Variants in PLVAP observed in about 807,000 individuals in gnomAD.
PLVAP encodes the protein plasmalemma vesicle-associated protein.
PLVAP carries 34 observed loss-of-function variants against 43.1 expected under a neutral mutation model. That is an observed-to-expected ratio of 0.79 (90% CI 0.60 to 1.05). The LOEUF (loss-of-function observed/expected upper bound fraction) is 1.05, where lower values mean the gene tolerates loss of function less well. Ranked by LOEUF, PLVAP falls within the 50% of genes least tolerant of loss-of-function variation. The pLI is 0.00. For missense variants in PLVAP, 574 were observed against 593.4 expected (o/e 0.97, Z 0.34); for synonymous variants, 241 against 237.3 (o/e 1.02, Z -0.14).
At chr19:17,352,463 C>T (rs969101601) in intron 5 of PLVAP, 95 bp from the exon 6 acceptor site, 2 of 1,424,634 alleles carry the variant, frequency 1.4e-6, no homozygotes, top group Non-Finnish European at 2.0e-6. Context: ...AGCGGGGACA[C>T]AACATCCTGG....
rs776368180 is a variant in PLVAP, at chr19:17,365,894, G to A, written c.571C>T (p.Arg191Cys). The change falls in exon 3 of 6, where the codon CGC (arginine) becomes TGC (cysteine). Residue 191 changes from arginine (R) to cysteine (C), a missense_variant. Physicochemically the swap from Arg to Cys is radical, Grantham distance 180. Transcript: ENST00000252590. ...TCAACCAGCTGTTCCTCCGCCACGC[G>A]TTTGTTCAGCAGCACGCTTTCCTTA... ...KDKESVLLNKRVAEEQLVECV... is the reference protein window; with the variant it reads ...KDKESVLLNKCVAEEQLVECV... 14 of 1,613,920 alleles carry A rather than the reference G, an allele frequency of 8.7e-6. No homozygotes were observed. In the Admixed American group the frequency reaches 1.5e-4, roughly 17 times the overall value.
chr19:17,354,613 A>G (rs1297133169), intron 5 of PLVAP, among the ~76,000 whole-genome samples: 3 of 144,506 alleles, frequency 2.1e-5, no homozygotes, highest in East Asian at 4.2e-4. Flanking sequence ...AAAAAAAAAA[A>G]AAGGGCCGGG....
intron 3 of PLVAP, among the ~76,000 whole-genome samples, chr19:17,364,874 G>T (rs1190020527): frequency 2.1e-5 from 3 of 145,596 alleles, no homozygotes; most frequent in African/African-American, 7.6e-5. Context: ...CCGGGTTCAA[G>T]CGATTCTCCT....
At chr19:17,354,395 A>G (rs7258074) in intron 5 of PLVAP, among the ~76,000 whole-genome samples, 145,620 of 151,888 alleles carry the variant, frequency 0.96, 69,972 homozygotes, top group Middle Eastern at 0.99. Context: ...TCAGGAGTTT[A>G]AGACCAGCCT....
chr19:17,365,588 C>A lies in PLVAP; in HGVS notation c.877G>T (p.Asp293Tyr). The A allele has an allele frequency of 6.2e-7, 1 of 1,612,770 alleles. No individual in the cohort carries two copies. Among genetic ancestry groups the A allele is most frequent in the South Asian group, 1.1e-5 (1 of 91,086 alleles). Reference protein sequence around the residue: ...VEELARSLRADIERVARENSD... With the variant: ...VEELARSLRAYIERVARENSD... Reference sequence around the variant, plus strand: ...TTCTCGCGGGCCACGCGTTCGATATCCGCCCGGAGGCTCCGGGCCAGCTCC... The same window carrying A: ...TTCTCGCGGGCCACGCGTTCGATATACGCCCGGAGGCTCCGGGCCAGCTCC... Residue 293 changes from aspartate (D) to tyrosine (Y), a missense_variant, in exon 3 of 6, where the codon GAT becomes TAT. By Grantham distance (160) the Asp-to-Tyr change is radical. Coordinates refer to ENST00000252590, the MANE Select transcript of PLVAP (RefSeq NM_031310.3).
chr19:17,356,697 C>T (rs557989131), intron 5 of PLVAP, among the ~76,000 whole-genome samples: 53 of 151,530 alleles, frequency 3.5e-4, no homozygotes, highest in African/African-American at 1.2e-3. Flanking sequence ...TGATGGCTCA[C>T]GCCTGTAATC....
rs2074485137 is a variant in PLVAP at position 17,351,613 on chromosome 19, G to T, written c.*749C>A. On this transcript the variant is annotated 3_prime_UTR_variant, in exon 6 of 6. Transcript: ENST00000252590. The stretch of plus-strand genomic sequence containing the variant: ...GGTCCTGGAAACACTCACGCTCAAG[G>T]AGCGGAGGTGAATGGCTTCCTGTTC... The T allele has an allele frequency of 6.6e-6, 1 of 152,296 alleles. No individual in the cohort carries two copies. Among genetic ancestry groups the T allele is most frequent in the Admixed American group, 6.5e-5 (1 of 15,282 alleles). 9.4% of individuals were successfully genotyped at this position (152,296 alleles called of 1,614,324 possible).
chr19:17,376,786 A>T (rs938308254), intron 1 of PLVAP, 134 bp downstream of exon 1: 4 of 937,228 alleles, frequency 4.3e-6, no homozygotes, highest in Non-Finnish European at 3.1e-6. Context: ...AGACGGAGCG[A>T]GACTCTGTCT....
chr19:17,368,301 T>C (rs983097997), intron 1 of PLVAP, among the ~76,000 whole-genome samples: 1 of 150,816 alleles, frequency 6.6e-6, no homozygotes, highest in African/African-American at 2.4e-5. Context: ...CAAACTCCCA[T>C]CCTCAGGTGA....
At chr19:17,371,326 TA>T (rs1383353720) in intron 1 of PLVAP, among the ~76,000 whole-genome samples, 4 of 150,794 alleles carry the variant, frequency 2.7e-5, no homozygotes, top group Middle Eastern at 3.5e-3. Flanking sequence ...CATGACCAGC[TA>T]ATTTTTGTAT....
chr19:17,372,440 A>G (rs1254373683), intron 1 of PLVAP, among the ~76,000 whole-genome samples: 1 of 149,314 alleles, frequency 6.7e-6, no homozygotes, highest in African/African-American at 2.4e-5. Context: ...AAAATAATTA[A>G]ATAATGTTTT....
At chr19:17,359,850 G>A (rs537721741) in intron 5 of PLVAP, among the ~76,000 whole-genome samples, 2 of 152,178 alleles carry the variant, frequency 1.3e-5, no homozygotes, top group East Asian at 3.9e-4. Context: ...GAGCCACTGT[G>A]CCCAGCTGAG....
intron 5 of PLVAP, among the ~76,000 whole-genome samples, chr19:17,353,075 G>T (rs942811901): frequency 6.6e-6 from 1 of 152,210 alleles, no homozygotes; most frequent in Non-Finnish European, 1.5e-5. Context: ...CCTGCGAGGG[G>T]TCAGGGGTTG....
chr19:17,352,378 G>C lies in PLVAP; in HGVS notation c.1323-10C>G. On this transcript the variant is annotated splice_polypyrimidine_tract_variant and intron_variant, in intron 5 of 5. Coordinates refer to ENST00000252590, the MANE Select transcript of PLVAP (RefSeq NM_031310.3). ...GGAGCCTCCTCAGCCACTAGGGCAG[G>C]AAGGGGATGGTAACACAACAGAGTG... 6.2e-7 allele frequency: 1 copy of C among 1,613,292 alleles called. No homozygotes were observed. Among genetic ancestry groups the C allele is most frequent in the Non-Finnish European group, 8.5e-7 (1 of 1,179,348 alleles).
Position 17,360,841 on chromosome 19 carries a change from G to A in PLVAP, c.1180-9C>T. The A allele has an allele frequency of 1.2e-6, 2 of 1,612,632 alleles. No homozygotes were observed. Among genetic ancestry groups the A allele is most frequent in the Non-Finnish European group, 1.7e-6 (2 of 1,178,698 alleles). On this transcript the variant is annotated splice_polypyrimidine_tract_variant and intron_variant, in intron 3 of 5. Transcript: ENST00000252590. ...GGCATCATCGGCTGCGACTGTGAAAGAAAGATGGAGGGAGGTTGGTAGGAG... is the reference window on the plus strand; with the variant it reads ...GGCATCATCGGCTGCGACTGTGAAAAAAAGATGGAGGGAGGTTGGTAGGAG...
At chr19:17,374,646 T>A (rs2074587507) in intron 1 of PLVAP, among the ~76,000 whole-genome samples, 1 of 151,652 alleles carries the variant, frequency 6.6e-6, no homozygotes, top group South Asian at 2.1e-4. Flanking sequence ...TTTTTTTCCA[T>A]TCAGGGTCTC....
intron 1 of PLVAP, among the ~76,000 whole-genome samples, chr19:17,366,885 C>T (rs930008776): frequency 1.1e-4 from 17 of 151,682 alleles, no homozygotes; most frequent in African/African-American, 3.4e-4. Context: ...ATCTGCCCGC[C>T]TCGGCTTCCC....
At chr19:17,376,787 G>C in intron 1 of PLVAP, 133 bp downstream of exon 1, 1 of 942,908 alleles carries the variant, frequency 1.1e-6, no homozygotes, top group Non-Finnish European at 1.5e-6. Context: ...GACGGAGCGA[G>C]ACTCTGTCTC....
chr19:17,358,962 G>C (rs1002048595), intron 5 of PLVAP, among the ~76,000 whole-genome samples: 15 of 151,688 alleles, frequency 9.9e-5, no homozygotes, highest in African/African-American at 3.6e-4. Flanking sequence ...ACCACACCTG[G>C]GTAATTTTTG....
Sources: allele counts gnomAD v4.1 joint callset (sites outside exome capture counted in the v4.1 genomes callset), GRCh38; gene constraint gnomAD v4.1.1; transcripts MANE v1.5; gene names NCBI Gene and HGNC (gene_info 2026-07-23, HGNC 2026-07-21).